Variants in PHC3 observed in about 807,000 individuals in gnomAD.
The protein encoded by PHC3 is polyhomeotic-like protein 3.
Under a neutral mutation model 107.4 loss-of-function variants are expected in PHC3, and 13 were observed. The observed-to-expected ratio is 0.12, with a 90% CI of 0.08 to 0.19. The LOEUF (loss-of-function observed/expected upper bound fraction) is 0.19, where lower values mean the gene tolerates loss of function less well. PHC3 is among the 10% of genes least tolerant of loss of function. The probability of loss-of-function intolerance (pLI) is 1.00; values close to 1 mark genes in which losing one functional copy is unlikely to be tolerated. For missense variants in PHC3, 992 were observed against 1,210.9 expected (o/e 0.82, Z 2.68); for synonymous variants, 456 against 427.4 (o/e 1.07, Z -0.83).
At chr3:170,135,430 C>A (rs1056907162) in intron 7 of PHC3, among the ~76,000 whole-genome samples, 1 of 151,350 alleles carries the variant, frequency 6.6e-6, no homozygotes, top group African/African-American at 2.4e-5. Flanking sequence ...GGATTACAGG[C>A]GTGAGCCACT....
intron 7 of PHC3, among the ~76,000 whole-genome samples, chr3:170,134,512 C>T (rs115162343): frequency 0.028 from 4,204 of 152,008 alleles, 194 homozygotes; most frequent in African/African-American, 0.096. Flanking sequence ...TTAATTTATA[C>T]ATTATATCAA....
Position 170,129,396 on chromosome 3 carries a change from G to A in PHC3, c.1076C>T (p.Pro359Leu), listed in dbSNP as rs1721889975. 3 of 1,613,886 alleles carry A rather than the reference G, an allele frequency of 1.9e-6. No homozygotes were observed. The highest frequency in any genetic ancestry group is 1.1e-5 in the South Asian group (1 of 91,076). The change falls in exon 8 of 15, where the codon CCC becomes CTC. Residue 359 changes from proline to leucine, a missense_variant. Pro to Leu is a moderately conservative substitution (Grantham distance 98). This residue lies in a region of PHC3 where 543 missense variants were observed against 590.8 expected (regional missense o/e 0.92). Coordinates refer to ENST00000495893, the MANE Select transcript of PHC3 (RefSeq NM_024947.4). The stretch of plus-strand genomic sequence containing the variant: ...GAGTGGTATACAGTGCTGGGATGGG[G>A]GTGGGTCTTGAGTTGAATTCTGAAG... ...ITLQNSTQDP[P>L]PSQHCIPLQN...
intron 4 of PHC3, among the ~76,000 whole-genome samples, chr3:170,164,682 C>A (rs906579364): frequency 3.9e-5 from 6 of 152,230 alleles, no homozygotes; most frequent in African/African-American, 1.4e-4. Flanking sequence ...GTAATGAATT[C>A]TCTGGATTTT....
intron 4 of PHC3, among the ~76,000 whole-genome samples, chr3:170,167,761 A>AAC (rs1328340256): frequency 8.8e-6 from 1 of 113,712 alleles, no homozygotes. Flanking sequence ...CTTCATCTCA[A>AAC]AAAAAAAAAA....
In PHC3 at chr3:170,130,704, G is replaced by A. The variant is rs552405491; in HGVS notation, c.920-1152C>T. 3.2e-3 allele frequency among the ~76,000 whole-genome samples: 492 copies of A among 152,306 alleles called. 4 individuals are homozygous for A. The highest frequency in any genetic ancestry group is 0.011 in the African/African-American group (467 of 41,572). On this transcript the variant is annotated intron_variant, in intron 7 of 14. Coordinates refer to ENST00000495893, the MANE Select transcript of PHC3 (RefSeq NM_024947.4). ...AGCCACTCAACAGGAATAAATATATGTAAGAATTAGCACAGTCAAGTGGTA... is the reference window on the plus strand; with the variant it reads ...AGCCACTCAACAGGAATAAATATATATAAGAATTAGCACAGTCAAGTGGTA...
intron 5 of PHC3, among the ~76,000 whole-genome samples, chr3:170,146,753 G>A (rs1239840808): frequency 2.6e-5 from 4 of 151,244 alleles, no homozygotes; most frequent in South Asian, 2.1e-4. Context: ...GGCTGGTCTC[G>A]AACTCCTGAC....
rs1288202174 is a variant in PHC3 at position 170,089,605 on chromosome 3, T to C, written c.*7625A>G. ...CAGTTCCAATGATCTCCTTTGAGAT[T>C]TTTCAGTTTTAGAAAGTTGCTACAC... On this transcript the variant is annotated 3_prime_UTR_variant, in exon 15 of 15. Coordinates refer to ENST00000495893, the MANE Select transcript of PHC3 (RefSeq NM_024947.4). 6.6e-6 allele frequency: 1 copy of C among 152,152 alleles called. No individual in the cohort carries two copies. Among genetic ancestry groups the C allele is most frequent in the East Asian group, 1.9e-4 (1 of 5,198 alleles). The allele number at this position is 152,152 out of a possible 1,614,324, so 9.4% of individuals were successfully genotyped here.
At chr3:170,108,129 T>C (rs1716925595) in intron 11 of PHC3, among the ~76,000 whole-genome samples, 2 of 152,204 alleles carry the variant, frequency 1.3e-5, no homozygotes, top group South Asian at 4.1e-4. Flanking sequence ...TCTTGCATCA[T>C]CATAATTCCT....
intron 6 of PHC3, among the ~76,000 whole-genome samples, chr3:170,140,440 G>C (rs79389383): frequency 6.6e-6 from 1 of 151,130 alleles, no homozygotes; most frequent in African/African-American, 2.4e-5. Flanking sequence ...TTTTAGTAAA[G>C]ATGGGGTTTC....
At chr3:170,167,439 A>G (rs1374718719) in intron 4 of PHC3, among the ~76,000 whole-genome samples, 1 of 152,172 alleles carries the variant, frequency 6.6e-6, no homozygotes, top group Non-Finnish European at 1.5e-5. Context: ...TATTATTGAT[A>G]TGTTAAATAT....
At chr3:170,131,569 C>T (rs1421468220) in intron 7 of PHC3, among the ~76,000 whole-genome samples, 1 of 152,214 alleles carries the variant, frequency 6.6e-6, no homozygotes, top group Admixed American at 6.5e-5. Flanking sequence ...CGCAATGGCT[C>T]ATGCCCGTAA....
At chr3:170,114,861 G>C (rs1718593372) in intron 10 of PHC3, among the ~76,000 whole-genome samples, 1 of 152,200 alleles carries the variant, frequency 6.6e-6, no homozygotes, top group African/African-American at 2.4e-5. Flanking sequence ...TAACTTTAGA[G>C]TATAATTACT....
At chr3:170,126,063 C>A in intron 8 of PHC3, 1 of 616,384 alleles carries the variant, frequency 1.6e-6, no homozygotes, top group Non-Finnish European at 2.0e-6. Flanking sequence ...TACTTATATC[C>A]AAATGTCAAC....
At chr3:170,125,411 C>T (rs765717215) in intron 8 of PHC3, among the ~76,000 whole-genome samples, 5 of 152,118 alleles carry the variant, frequency 3.3e-5, no homozygotes, top group African/African-American at 7.2e-5. Flanking sequence ...ATGGTTTTAT[C>T]GACCAGTTCA....
chr3:170,119,710 CCT>C (rs1289240766), intron 9 of PHC3, among the ~76,000 whole-genome samples: 4 of 151,986 alleles, frequency 2.6e-5, no homozygotes, highest in Admixed American at 1.3e-4. Flanking sequence ...GATTTTTCTA[CCT>C]TTTTGTATAG....
Position 170,166,410 on chromosome 3 carries a change from G to A in PHC3, c.414+4963C>T, listed in dbSNP as rs1728754886. The stretch of plus-strand genomic sequence containing the variant: ...AATAAGTTAAACAAGCTTACACAAT[G>A]CATTCTTGCTTCTTACACTCAATAC... On this transcript the variant is annotated intron_variant, in intron 4 of 14. Coordinates refer to ENST00000495893, the MANE Select transcript of PHC3 (RefSeq NM_024947.4). 2.0e-5 allele frequency among the ~76,000 whole-genome samples: 3 copies of A among 152,226 alleles called. No homozygotes were observed. In the South Asian group the frequency reaches 6.2e-4, roughly 32 times the overall value.
chr3:170,136,121 C>T (rs1442579695), intron 7 of PHC3, among the ~76,000 whole-genome samples: 1 of 152,046 alleles, frequency 6.6e-6, no homozygotes. Context: ...AAATAAACTA[C>T]AGGCAAATCT....
chr3:170,177,827 T>C (rs1045139076), intron 2 of PHC3, among the ~76,000 whole-genome samples: 7 of 151,020 alleles, frequency 4.6e-5, no homozygotes, highest in African/African-American at 1.2e-4. Flanking sequence ...CATGCCACCA[T>C]GCCCTGCTGA....
At chr3:170,181,493 G>A (rs926309822) in intron 1 of PHC3, among the ~76,000 whole-genome samples, 3 of 152,164 alleles carry the variant, frequency 2.0e-5, no homozygotes, top group Non-Finnish European at 4.4e-5. Context: ...GGCGGAAGGG[G>A]CGCTCCTGCC....
Sources: gnomAD v4.1 joint callset for allele counts (sites outside exome capture counted in the v4.1 genomes callset) on GRCh38, gnomAD v4.1.1 for gene constraint, gnomAD v4.1.1 regional missense constraint, MANE v1.5 for transcripts, NCBI Gene and HGNC (gene_info 2026-07-23, HGNC 2026-07-21) for gene names.